The following ADAMTS12 variants were observed in gnomAD, a reference collection of about 807,000 sequenced individuals.
The protein encoded by ADAMTS12 is ADAM metallopeptidase with thrombospondin type 1 motif 12, also known as A disintegrin and metalloproteinase with thrombospondin motifs 12.
In ADAMTS12, 118 loss-of-function variants were observed where a neutral mutation model predicts 167.8. That is an observed-to-expected ratio of 0.70 (90% confidence interval 0.61 to 0.82). ADAMTS12 has a LOEUF of 0.82. ADAMTS12 is among the 40% of genes least tolerant of loss of function. ADAMTS12 has a pLI of 0.00. For synonymous variants in ADAMTS12, 704 were observed against 716.9 expected (o/e 0.98, Z 0.29); for missense variants, 1,916 against 1,998.8 (o/e 0.96, Z 0.79).
chr5:33,646,623 G>A lies in ADAMTS12; in HGVS notation c.1479+2199C>T, dbSNP rs143607497. Among the ~76,000 whole-genome samples the A allele has an allele frequency of 2.9e-3, 436 of 152,198 alleles. 3 individuals carry two copies. Among genetic ancestry groups the A allele is most frequent in the African/African-American group, 9.3e-3 (385 of 41,510 alleles). On this transcript the variant is annotated intron_variant, in intron 9 of 23. Transcript: ENST00000504830. Reference sequence around the variant, plus strand: ...CCCAGAGATAGAACTGAAAATTTTCGGTGAAAGAATGTGCCAGCCATCTGA... The same window carrying A: ...CCCAGAGATAGAACTGAAAATTTTCAGTGAAAGAATGTGCCAGCCATCTGA...
intron 15 of ADAMTS12, among the ~76,000 whole-genome samples, chr5:33,615,623 C>A (rs1429975553): frequency 6.6e-6 from 1 of 152,154 alleles, no homozygotes. Flanking sequence ...TTTTAAAGCA[C>A]CTTGCATTTT....
chr5:33,737,845 C>A lies in ADAMTS12; in HGVS notation c.634+13559G>T, dbSNP rs147558903. 2.5e-3 allele frequency among the ~76,000 whole-genome samples: 379 copies of A among 152,340 alleles called. 2 individuals carry two copies. Among genetic ancestry groups the A allele is most frequent in the African/African-American group, 8.7e-3 (363 of 41,574 alleles). On this transcript the variant is annotated intron_variant, in intron 3 of 23. Transcript: ENST00000504830. ...CTGTGGAATTTCGAATTGCAGTTTT[C>A]AGGAACAGTGAGCCTGTAGCTGTCA...
chr5:33,626,013 G>A (rs546201449), intron 13 of ADAMTS12, among the ~76,000 whole-genome samples: 1 of 152,306 alleles, frequency 6.6e-6, no homozygotes, highest in South Asian at 2.1e-4. Context: ...TGGTTCCACT[G>A]CTGCTACCCT....
At chr5:33,570,633 A>G (rs1746279961) in intron 19 of ADAMTS12, among the ~76,000 whole-genome samples, 1 of 152,238 alleles carries the variant, frequency 6.6e-6, no homozygotes, top group Non-Finnish European at 1.5e-5. Flanking sequence ...TACCAGCTTC[A>G]GCAAAATCAT....
chr5:33,883,365 A>T (rs2111785096), intron 1 of ADAMTS12, among the ~76,000 whole-genome samples: 1 of 119,620 alleles, frequency 8.4e-6, no homozygotes, highest in African/African-American at 3.4e-5. Flanking sequence ...CCAGGCAACT[A>T]CCTCCAAACC....
intron 3 of ADAMTS12, among the ~76,000 whole-genome samples, chr5:33,719,231 T>C (rs921170867): frequency 1.1e-4 from 17 of 152,046 alleles, no homozygotes; most frequent in Admixed American, 3.3e-4. Context: ...GTATGCAAAA[T>C]ATATGCCACA....
At chr5:33,690,170 C>A (rs1292887775) in intron 3 of ADAMTS12, among the ~76,000 whole-genome samples, 1 of 152,240 alleles carries the variant, frequency 6.6e-6, no homozygotes, top group Non-Finnish European at 1.5e-5. Flanking sequence ...AAGGGCTGAG[C>A]AGCCCGAGGG....
At chr5:33,887,182 T>A (rs575375091) in intron 1 of ADAMTS12, among the ~76,000 whole-genome samples, 7 of 152,110 alleles carry the variant, frequency 4.6e-5, no homozygotes, top group Admixed American at 2.6e-4. Context: ...TAATAATAGC[T>A]CCTAATTTTT....
chr5:33,832,228 AG>A (rs1202400822), intron 2 of ADAMTS12, among the ~76,000 whole-genome samples: 6 of 152,198 alleles, frequency 3.9e-5, no homozygotes, highest in African/African-American at 1.4e-4. Flanking sequence ...TTAGATAGGA[AG>A]GGGGTCTTTT....
intron 2 of ADAMTS12, among the ~76,000 whole-genome samples, chr5:33,855,640 T>C (rs1749369749): frequency 6.6e-6 from 1 of 150,482 alleles, no homozygotes. Context: ...AATGTGTCAC[T>C]GCAGTTTTGC....
intron 3 of ADAMTS12, among the ~76,000 whole-genome samples, chr5:33,738,276 A>G (rs559745585): frequency 5.5e-4 from 83 of 150,934 alleles, no homozygotes; most frequent in Non-Finnish European, 8.4e-4. Flanking sequence ...TGGAAAAACT[A>G]CTGCTCTGTG....
chr5:33,530,622 T>C (rs1216345027), intron 23 of ADAMTS12, among the ~76,000 whole-genome samples: 1 of 152,018 alleles, frequency 6.6e-6, no homozygotes, highest in East Asian at 1.9e-4. Flanking sequence ...AGAGGAAGGG[T>C]GGAGGCTCAG....
In ADAMTS12 at chr5:33,527,354, G is replaced by T; in HGVS notation, c.4619C>A (p.Thr1540Asn). The change falls in exon 24 of 24, where the codon ACT becomes AAT. Residue 1540 changes from threonine to asparagine, a missense_variant. Coordinates refer to ENST00000504830, the MANE Select transcript of ADAMTS12 (RefSeq NM_030955.4). ...ACKKSADLLC[T>N]KDKLSASFCQ... is the part of the protein sequence containing the mutation. ...GAAACTGGCTGACAGTTTGTCCTTA[G>T]TGCAAAGTAAATCTGTGGAAGGAGA... The T allele has an allele frequency of 1.2e-6, 2 of 1,613,944 alleles. No individual in the cohort carries two copies. Among genetic ancestry groups the T allele is most frequent in the Non-Finnish European group, 1.7e-6 (2 of 1,179,930 alleles).
intron 3 of ADAMTS12, among the ~76,000 whole-genome samples, chr5:33,685,335 C>G (rs531277457): frequency 2.6e-5 from 4 of 152,360 alleles, no homozygotes; most frequent in African/African-American, 9.6e-5. Context: ...ACCTGCCTCT[C>G]TGTCATTCCT....
intron 2 of ADAMTS12, among the ~76,000 whole-genome samples, chr5:33,753,938 C>T (rs1490736103): frequency 6.6e-6 from 1 of 152,164 alleles, no homozygotes; most frequent in Non-Finnish European, 1.5e-5. Flanking sequence ...AAGTAGGCTG[C>T]TGGTCCCAGG....
At chr5:33,848,181 C>T (rs1334574030) in intron 2 of ADAMTS12, among the ~76,000 whole-genome samples, 1 of 151,774 alleles carries the variant, frequency 6.6e-6, no homozygotes, top group Admixed American at 6.6e-5. Flanking sequence ...CGCACCACTG[C>T]ACTCCAGCCT....
intron 17 of ADAMTS12, among the ~76,000 whole-genome samples, chr5:33,589,530 G>A (rs1747534343): frequency 6.6e-6 from 1 of 152,112 alleles, no homozygotes; most frequent in Non-Finnish European, 1.5e-5. Context: ...CAATAATCTA[G>A]GATGTGGGCC....
At chr5:33,626,824 T>C (rs1359885855) in intron 13 of ADAMTS12, among the ~76,000 whole-genome samples, 1 of 147,830 alleles carries the variant, frequency 6.8e-6, no homozygotes, top group Non-Finnish European at 1.5e-5. Flanking sequence ...GATTTGACGA[T>C]GGTGGTGGTG....
chr5:33,736,121 G>T (rs74869849), intron 3 of ADAMTS12, among the ~76,000 whole-genome samples: 2,341 of 150,464 alleles, frequency 0.016, 70 homozygotes, highest in African/African-American at 0.055. Flanking sequence ...GTGGTGCAAC[G>T]GTGCGATCTC....
Sources: allele counts gnomAD v4.1 joint callset (sites outside exome capture counted in the v4.1 genomes callset), GRCh38; gene constraint gnomAD v4.1.1; transcripts MANE v1.5; gene names NCBI Gene and HGNC (gene_info 2026-07-23, HGNC 2026-07-21).